Variants in KLRG1 observed in about 807,000 individuals in gnomAD.
The protein encoded by KLRG1 is killer cell lectin like receptor G1.
KLRG1 carries 16 observed loss-of-function variants against 21.8 expected under a neutral mutation model. The observed-to-expected ratio is 0.73, with a 90% CI of 0.50 to 1.11. KLRG1 has a LOEUF of 1.11. Among genes scored for constraint, KLRG1 ranks in the 50% most tolerant of loss-of-function variants. The pLI is 0.00. For synonymous variants in KLRG1, 69 were observed against 75.9 expected (o/e 0.91, Z 0.47); for missense variants, 173 against 218.3 (o/e 0.79, Z 1.31).
the KLRG1 span, chr12:9,110,302 C>A: frequency 6.8e-7 from 1 of 1,468,700 alleles, no homozygotes; most frequent in South Asian, 1.3e-5. Flanking sequence ...TGGAATGTTT[C>A]ATGTTGCTTA....
At chr12:9,185,738 C>T in the KLRG1 span, among the ~76,000 whole-genome samples, 1 of 150,352 alleles carries the variant, frequency 6.7e-6, no homozygotes, top group Non-Finnish European at 1.5e-5. Flanking sequence ...TAATGGTGGG[C>T]CTCTTAGCAG....
At chr12:9,182,146 G>GGTCATAAGTGAGACAAAATT in the KLRG1 span, 1 of 1,607,080 alleles carries the variant, frequency 6.2e-7, no homozygotes, top group Non-Finnish European at 8.5e-7. Flanking sequence ...GAGACAAAAT[G>GGTCATAAGTGAGACAAAATT]GTCATAAGTG....
chr12:9,119,761 A>T, the KLRG1 span, among the ~76,000 whole-genome samples: 1 of 152,166 alleles, frequency 6.6e-6, no homozygotes, highest in Admixed American at 6.5e-5. Flanking sequence ...CAGATGTATT[A>T]AGAATGTGGG....
the KLRG1 span, chr12:9,200,584 G>A: frequency 1.3e-6 from 1 of 742,078 alleles, no homozygotes; most frequent in African/African-American, 1.8e-5. Flanking sequence ...TCAACTTTAA[G>A]ATGGTAAGGT....
the KLRG1 span, chr12:9,203,905 T>A: frequency 6.2e-7 from 1 of 1,613,998 alleles, no homozygotes; most frequent in Non-Finnish European, 8.5e-7. Flanking sequence ...CAGCCCTTCT[T>A]AGGGGCCTCA....
chr12:8,957,426 C>G lies in KLRG1; in HGVS notation c.-156+7190C>G, dbSNP rs771267799. ...TGCAACAGCAAAACTAGCACACATT[C>G]TTTTCCCTTCTTCACAATTTAACAG... On this transcript the variant is annotated intron_variant, in intron 1 of 4. Coordinates refer to the KLRG1 transcript ENST00000539240. Among the ~76,000 whole-genome samples the G allele has an allele frequency of 7.9e-5, 12 of 152,360 alleles. No individual in the cohort carries two copies. In the South Asian group the frequency reaches 2.5e-3, roughly 32 times the overall value.
At chr12:9,113,706 T>G in the KLRG1 span, among the ~76,000 whole-genome samples, 1 of 152,212 alleles carries the variant, frequency 6.6e-6, no homozygotes, top group East Asian at 1.9e-4. Flanking sequence ...ATAAGAATTA[T>G]TTCCCTTTTC....
the KLRG1 span, chr12:9,068,213 T>C: frequency 3.7e-6 from 6 of 1,609,876 alleles, no homozygotes; most frequent in Non-Finnish European, 5.1e-6. Context: ...TACTCAGCAA[T>C]TGCAAACTCA....
chr12:9,131,867 C>A, the KLRG1 span, among the ~76,000 whole-genome samples: 1 of 151,832 alleles, frequency 6.6e-6, no homozygotes, highest in Non-Finnish European at 1.5e-5. Flanking sequence ...ATTTTCCAAG[C>A]AGACTGTGGC....
chr12:9,150,294 T>G, the KLRG1 span, among the ~76,000 whole-genome samples: 3 of 152,322 alleles, frequency 2.0e-5, no homozygotes, highest in East Asian at 5.8e-4. Flanking sequence ...TGTTTTTTCT[T>G]TTTTTTGAGA....
the KLRG1 span, chr12:9,192,541 C>G: frequency 6.2e-7 from 1 of 1,613,778 alleles, no homozygotes; most frequent in Non-Finnish European, 8.5e-7. Context: ...TCCGATAACT[C>G]TCCCATGGCC....
the KLRG1 span, among the ~76,000 whole-genome samples, chr12:9,139,096 G>T: frequency 6.6e-6 from 1 of 151,864 alleles, no homozygotes; most frequent in Non-Finnish European, 1.5e-5. Context: ...TAGTGCTTTT[G>T]CTGAATACCA....
At chr12:9,155,348 T>C in the KLRG1 span, among the ~76,000 whole-genome samples, 4 of 152,228 alleles carry the variant, frequency 2.6e-5, no homozygotes, top group Non-Finnish European at 5.9e-5. Context: ...TTGTAACCTC[T>C]TCCAGAGTTA....
the KLRG1 span, chr12:9,112,121 TACAG>T: frequency 3.7e-6 from 6 of 1,606,876 alleles, 1 homozygote; most frequent in South Asian, 4.4e-5. Context: ...AGCCTGTTTA[TACAG>T]ACAATCATTT....
the KLRG1 span, among the ~76,000 whole-genome samples, chr12:9,191,026 T>A: frequency 3.3e-5 from 5 of 152,154 alleles, no homozygotes; most frequent in African/African-American, 1.2e-4. Flanking sequence ...ACAATTATGA[T>A]TTAATTAGCT....
chr12:9,182,132 G>GAGTGAGACAAAATGGTCAT, the KLRG1 span: 1 of 1,554,332 alleles, frequency 6.4e-7, no homozygotes, highest in Middle Eastern at 1.7e-4. Flanking sequence ...AACATGGAGA[G>GAGTGAGACAAAATGGTCAT]AGTGAGACAA....
the KLRG1 span, among the ~76,000 whole-genome samples, chr12:9,182,838 T>C: frequency 6.6e-6 from 1 of 152,176 alleles, no homozygotes; most frequent in Non-Finnish European, 1.5e-5. Context: ...ACGAGAGACT[T>C]AATGACTGAA....
chr12:9,180,337 G>A, the KLRG1 span, among the ~76,000 whole-genome samples: 30 of 152,140 alleles, frequency 2.0e-4, no homozygotes, highest in East Asian at 5.8e-4. Context: ...AGCCCGCATC[G>A]CCAAGGCAAT....
intron 3 of KLRG1, among the ~76,000 whole-genome samples, chr12:9,000,798 G>A (rs900062683): frequency 6.6e-6 from 1 of 152,202 alleles, no homozygotes; most frequent in African/African-American, 2.4e-5. Context: ...CCTTTTGACT[G>A]TTGAGAGTAA....
Sources: allele counts gnomAD v4.1 joint callset (sites outside exome capture counted in the v4.1 genomes callset), GRCh38; gene constraint gnomAD v4.1.1; transcripts MANE v1.5; gene names NCBI Gene and HGNC (gene_info 2026-07-23, HGNC 2026-07-21).